The following RNF40 variants were observed in gnomAD, a reference collection of about 807,000 sequenced individuals.
RNF40 encodes E3 ubiquitin-protein ligase BRE1B.
RNF40 carries 39 observed loss-of-function variants against 123.3 expected under a neutral mutation model. The observed-to-expected ratio is 0.32, with a 90% CI of 0.24 to 0.41. The LOEUF is 0.41. Among genes scored for constraint, RNF40 ranks in the 10% least tolerant of loss-of-function variants. RNF40 has a pLI of 1.00. For synonymous variants in RNF40, 538 were observed against 526.0 expected (o/e 1.02, Z -0.31); for missense variants, 1,003 against 1,319.9 (o/e 0.76, Z 3.72).
chr16:30,774,068 A>T lies in RNF40; in HGVS notation c.2960A>T (p.Asn987Ile). ...EARQRKCPKC[N>I]AAFGAHDFHR... ...CGCCAGAGGAAGTGCCCCAAGTGCA[A>T]CGCGGCCTTTGGTGCCCACGACTTC... Residue 987 changes from asparagine to isoleucine, a missense_variant, in exon 20 of 20, where the codon AAC becomes ATC. Asn to Ile is a moderately radical substitution (Grantham distance 149). Around this residue, in one of 11 missense-constraint regions of RNF40, gnomAD observed 76 missense variants for 134.1 expected, o/e 0.57. Transcript: ENST00000324685. 3.1e-6 allele frequency: 5 copies of T among 1,614,032 alleles called. No individual in the cohort carries two copies. Among genetic ancestry groups the T allele is most frequent in the Non-Finnish European group, 4.2e-6 (5 of 1,179,890 alleles).
At chr16:30,761,675 C>A, upstream of RNF40, 1 of 1,535,886 alleles carries the variant, frequency 6.5e-7, no homozygotes, top group Non-Finnish European at 8.7e-7. Context: ...CGCTTCCCGC[C>A]GCAGCTCGGA....
upstream of RNF40, chr16:30,761,734 C>T (rs979500454): frequency 6.6e-7 from 1 of 1,525,120 alleles, no homozygotes; most frequent in Non-Finnish European, 8.8e-7. Flanking sequence ...AGTGGCTGGT[C>T]TTGCGGTTGA....
chr16:30,766,184 T>G lies in RNF40; in HGVS notation c.1015T>G (p.Leu339Val). ...TTAGTTTGAGATGCTGAATGCAGAG[T>G]TAGAGGAAAACCAGGAACTGGCCAA... ...MQKFEMLNAE[L>V]EENQELANSR... The change falls in exon 9 of 20, where the codon TTA becomes GTA. Residue 339 changes from leucine (L) to valine (V), a missense_variant. Leu to Val is a conservative substitution (Grantham distance 32). This residue lies in a region of RNF40 where 274 missense variants were observed against 356.9 expected (regional missense o/e 0.77). Coordinates refer to ENST00000324685, the MANE Select transcript of RNF40 (RefSeq NM_014771.4). The surrounding 1 kb of genome is among the most constrained non-coding windows in gnomAD (Gnocchi z 5.4). 6.2e-7 allele frequency: 1 copy of G among 1,613,870 alleles called. No individual in the cohort carries two copies. The highest frequency in any genetic ancestry group is 8.5e-7 in the Non-Finnish European group (1 of 1,179,970).
chr16:30,768,906 G>A lies in RNF40; in HGVS notation c.2166G>A (p.Ala722=), dbSNP rs773191409. 1.3e-5 allele frequency: 21 copies of A among 1,614,084 alleles called. No individual in the cohort carries two copies. Among genetic ancestry groups the A allele is most frequent in the East Asian group, 2.2e-5 (1 of 44,884 alleles). Residue 722 remains alanine, a synonymous_variant, in exon 15 of 20, where the codon GCG becomes GCA. Coordinates refer to ENST00000324685, the MANE Select transcript of RNF40 (RefSeq NM_014771.4). The surrounding 1 kb of genome is among the most constrained non-coding windows in gnomAD (Gnocchi z 4.1). ...ERDRRESKKI[A]DEDALRRIRQ... The stretch of plus-strand genomic sequence containing the variant: ...ATCGAAGGGAGAGCAAGAAGATCGC[G>A]GATGAGGATGCCCTGCGGCGCATTC...
chr16:30,774,233 G>C lies in RNF40; in HGVS notation c.*119G>C. Reference sequence around the variant, plus strand: ...TCCGGACCCCATGGGCCCAGCCCCTGCCCATCTAGTTGGTTTGGGGACCCT... The same window carrying C: ...TCCGGACCCCATGGGCCCAGCCCCTCCCCATCTAGTTGGTTTGGGGACCCT... On this transcript the variant is annotated 3_prime_UTR_variant, in exon 20 of 20. Coordinates refer to ENST00000324685, the MANE Select transcript of RNF40 (RefSeq NM_014771.4). 9.0e-7 allele frequency: 1 copy of C among 1,108,934 alleles called. No individual in the cohort carries two copies. The highest frequency in any genetic ancestry group is 1.3e-6 in the Non-Finnish European group (1 of 790,514). 68.7% of individuals were successfully genotyped at this position (1,108,934 alleles called of 1,614,324 possible).
In RNF40 at chr16:30,766,061, C is replaced by T; in HGVS notation, c.994-102C>T. On this transcript the variant is annotated intron_variant, in intron 8 of 19. Coordinates refer to ENST00000324685, the MANE Select transcript of RNF40 (RefSeq NM_014771.4). The surrounding 1 kb of genome is among the most constrained non-coding windows in gnomAD (Gnocchi z 5.4). ...TTTGGGGTGTCAGAATCGATCATTG[C>T]CCTGCACGGGGTGCTTGGGGTGGAG... The T allele has an allele frequency of 1.3e-6, 2 of 1,531,594 alleles. No homozygotes were observed. Among genetic ancestry groups the T allele is most frequent in the South Asian group, 2.3e-5 (2 of 85,990 alleles). 94.9% of individuals were successfully genotyped at this position (1,531,594 alleles called of 1,614,324 possible). A position where few individuals can be genotyped will look rare whatever the true frequency, so the allele number is the denominator to read the frequency against.
Position 30,774,236 on chromosome 16 carries a change from C to T in RNF40, c.*122C>T. The T allele has an allele frequency of 9.2e-7, 1 of 1,083,526 alleles. No homozygotes were observed. The highest frequency in any genetic ancestry group is 2.6e-5 in the East Asian group (1 of 39,086). 67.1% of individuals were successfully genotyped at this position (1,083,526 alleles called of 1,614,324 possible). A position where few individuals can be genotyped will look rare whatever the true frequency, so the allele number is the denominator to read the frequency against. On this transcript the variant is annotated 3_prime_UTR_variant, in exon 20 of 20. Coordinates refer to ENST00000324685, the MANE Select transcript of RNF40 (RefSeq NM_014771.4). ...GGACCCCATGGGCCCAGCCCCTGCC[C>T]ATCTAGTTGGTTTGGGGACCCTGGT...
chr16:30,774,118 T>G lies in RNF40; in HGVS notation c.*4T>G, dbSNP rs2054194617. On this transcript the variant is annotated 3_prime_UTR_variant, in exon 20 of 20. Coordinates refer to ENST00000324685, the MANE Select transcript of RNF40 (RefSeq NM_014771.4). ...CCATCGTATCTACATCAGCTGAACC[T>G]GAAACTCAGGGGACTCTGGAACACC... 4 of 1,610,160 alleles carry G rather than the reference T, an allele frequency of 2.5e-6. No individual in the cohort carries two copies. Among genetic ancestry groups the G allele is most frequent in the Non-Finnish European group, 3.4e-6 (4 of 1,177,168 alleles).
chr16:30,761,720 A>C, upstream of RNF40: 1 of 1,529,274 alleles, frequency 6.5e-7, no homozygotes, highest in Admixed American at 2.0e-5. Flanking sequence ...CCTCATTCCC[A>C]AAAAGTGGCT....
chr16:30,769,669 A>C, intron 17 of RNF40, 69 bp downstream of exon 17: 8 of 1,451,574 alleles, frequency 5.5e-6, no homozygotes, highest in Non-Finnish European at 9.1e-7. Context: ...GGTTCTGCTC[A>C]GAGCACCCGA....
intron 4 of RNF40, 117 bp from the exon 5 acceptor site, chr16:30,764,062 C>G (rs182435354): frequency 2.6e-6 from 2 of 760,096 alleles, no homozygotes; most frequent in Non-Finnish European, 4.2e-6. Flanking sequence ...TAATAGTGCA[C>G]TATAGGTTGT....
At position 30,768,930 on chromosome 16, in the gene RNF40, T is replaced by C. The variant is rs760241856; in HGVS notation, c.2190T>C (p.Ile730=). ...CGGATGAGGATGCCCTGCGGCGCAT[T>C]CGGCAGGCAGAGGAGCAGATAGAAC... ...KIADEDALRR[I]RQAEEQIEHL... is the part of the protein sequence containing the mutation. Residue 730 remains isoleucine, a synonymous_variant, in exon 15 of 20, where the codon ATT becomes ATC. Coordinates refer to ENST00000324685, the MANE Select transcript of RNF40 (RefSeq NM_014771.4). This position sits in a 1 kb window ranked among gnomAD's most constrained non-coding sequence, Gnocchi z 4.1. 1 of 1,614,114 alleles carries C rather than the reference T, an allele frequency of 6.2e-7. No individual in the cohort carries two copies. The highest frequency in any genetic ancestry group is 8.5e-7 in the Non-Finnish European group (1 of 1,180,034).
At chr16:30,762,961 G>C (rs2053909921) in intron 2 of RNF40, among the ~76,000 whole-genome samples, 157 bp from the exon 3 acceptor site, 1 of 152,236 alleles carries the variant, frequency 6.6e-6, no homozygotes, top group Non-Finnish European at 1.5e-5. Flanking sequence ...CACTTTCGCT[G>C]TGTGTTGTCT....
At chr16:30,769,627 G>C (rs1006793217) in intron 17 of RNF40, 27 bp downstream of exon 17, 6 of 1,504,428 alleles carry the variant, frequency 4.0e-6, no homozygotes, top group Non-Finnish European at 4.4e-6. Flanking sequence ...GGGACACACA[G>C]CTTGGGCTGC....
chr16:30,764,902 C>A (rs761092900), intron 5 of RNF40, 36 bp from the exon 6 acceptor site: 2 of 1,599,088 alleles, frequency 1.3e-6, no homozygotes, highest in South Asian at 1.1e-5. Context: ...CCCCATTGCC[C>A]TGAGCTGGGC....
intron 5 of RNF40, 122 bp downstream of exon 5, chr16:30,764,507 A>ATAG: frequency 1.2e-6 from 1 of 847,010 alleles, no homozygotes; most frequent in Non-Finnish European, 1.8e-6. Context: ...GGAATAAATC[A>ATAG]GCCATGTTCT....
rs777937234 is a variant in RNF40, at chr16:30,763,400, G to T, written c.301-18G>T. 7.5e-6 allele frequency: 12 copies of T among 1,597,832 alleles called. No individual in the cohort carries two copies. In the Admixed American group the frequency reaches 8.7e-5, roughly 12 times the overall value. ...GCACTAAGGGATTCATAACATTTTT[G>T]ATGTTTTCTCCTTCCAGCTGGATGA... On this transcript the variant is annotated intron_variant, in intron 3 of 19. Coordinates refer to ENST00000324685, the MANE Select transcript of RNF40 (RefSeq NM_014771.4).
Position 30,762,686 on chromosome 16 carries a change from G to C in RNF40, c.132+9G>C. 6.2e-7 allele frequency: 1 copy of C among 1,612,002 alleles called. No individual in the cohort carries two copies. Among genetic ancestry groups the C allele is most frequent in the South Asian group, 1.1e-5 (1 of 90,790 alleles). Reference sequence around the variant, plus strand: ...GAGGCATCTCTTCCACGGTTCGTGGGCTCTTGCCTTAACCCTCAGAACTTC... The same window carrying C: ...GAGGCATCTCTTCCACGGTTCGTGGCCTCTTGCCTTAACCCTCAGAACTTC... On this transcript the variant is annotated intron_variant, in intron 2 of 19. Transcript: ENST00000324685.
rs2053926607 is a variant in RNF40 at position 30,763,235 on chromosome 16, C to T, written c.250C>T (p.Gln84Ter). The T allele has an allele frequency of 6.2e-7, 1 of 1,614,150 alleles. No homozygotes were observed. Among genetic ancestry groups the T allele is most frequent in the Non-Finnish European group, 8.5e-7 (1 of 1,180,022 alleles). Residue 84 changes from glutamine to a stop codon, truncating the protein, a stop_gained, in exon 3 of 20, where the codon CAG (glutamine) becomes TAG (stop). Transcript: ENST00000324685. LOFTEE classifies it high-confidence loss of function. ...ACGAATTGAGAAGTTGGAGAAGCGG[C>T]AGGCCACAGATGATGCCACACTCCT... is the stretch of plus-strand genomic sequence containing the variant. ...RERIEKLEKR[Q>*]ATDDATLLIV...
Sources: gnomAD v4.1 joint callset for allele counts (sites outside exome capture counted in the v4.1 genomes callset) on GRCh38, gnomAD v4.1.1 for gene constraint, gnomAD v4.1.1 regional missense constraint, Gnocchi (gnomAD v3.1) non-coding constraint, MANE v1.5 for transcripts, NCBI Gene and HGNC (gene_info 2026-07-23, HGNC 2026-07-21) for gene names.